The following PER2 variants were observed in gnomAD, a reference collection of about 807,000 sequenced individuals.
The protein encoded by PER2 is period circadian regulator 2, also known as period circadian protein homolog 2.
In PER2, 66 loss-of-function variants were observed where a neutral mutation model predicts 121.0. That is an observed-to-expected ratio of 0.55 (90% CI 0.45 to 0.67). The LOEUF is 0.67. Ranked by LOEUF, PER2 falls within the 30% of genes least tolerant of loss-of-function variation. PER2 has a pLI of 0.00. For missense variants in PER2, 1,521 were observed against 1,635.0 expected (o/e 0.93, Z 1.20); for synonymous variants, 684 against 659.9 (o/e 1.04, Z -0.56).
At chr2:238,248,306 G>A (rs1449779448) in intron 22 of PER2, among the ~76,000 whole-genome samples, 1 of 152,222 alleles carries the variant, frequency 6.6e-6, no homozygotes, top group African/African-American at 2.4e-5. Flanking sequence ...CTTGACAAGA[G>A]CAGCTTCCAC....
At chr2:238,292,135 G>A (rs1696959948), upstream of PER2, among the ~76,000 whole-genome samples, 1 of 152,238 alleles carries the variant, frequency 6.6e-6, no homozygotes, top group Admixed American at 6.5e-5. Flanking sequence ...TCCAGGCTGG[G>A]CAACAGAGCA....
At chr2:238,257,972 C>T (rs908592511) in intron 16 of PER2, among the ~76,000 whole-genome samples, 20 of 152,212 alleles carry the variant, frequency 1.3e-4, no homozygotes, top group African/African-American at 4.6e-4. Context: ...GCAGACGGCC[C>T]CTCAGTGTGG....
At chr2:238,261,972 G>T in intron 11 of PER2, 135 bp from the exon 12 acceptor site, 1 of 738,812 alleles carries the variant, frequency 1.4e-6, no homozygotes. Context: ...GCTGCTGCCT[G>T]TCCACTCCCT....
chr2:238,285,247 TGGTAGCTGGG>T (rs1195465127), intron 1 of PER2, among the ~76,000 whole-genome samples: 2 of 121,132 alleles, frequency 1.7e-5, no homozygotes, highest in Non-Finnish European at 3.9e-5. Flanking sequence ...GCCACATTTT[TGGTAGCTGGG>T]TTGCCTCAAC....
At chr2:238,287,200 G>A (rs373790905) in intron 1 of PER2, among the ~76,000 whole-genome samples, 95 of 152,168 alleles carry the variant, frequency 6.2e-4, no homozygotes, top group Non-Finnish European at 5.4e-4. Context: ...ATACCAAGGC[G>A]ACAGTGACAG....
At chr2:238,292,300 T>C (rs746080632), upstream of PER2, among the ~76,000 whole-genome samples, 7 of 152,256 alleles carry the variant, frequency 4.6e-5, no homozygotes, top group Non-Finnish European at 1.0e-4. Context: ...CACACACGTG[T>C]TCTCATATGT....
At chr2:238,264,343 G>T (rs544045402) in intron 9 of PER2, among the ~76,000 whole-genome samples, 5 of 152,348 alleles carry the variant, frequency 3.3e-5, no homozygotes, top group East Asian at 1.9e-4. Context: ...AACTGGCTCT[G>T]CCCCAGGCAG....
At chr2:238,289,319 C>T (rs775872438), upstream of PER2, 1 of 152,216 alleles carries the variant, frequency 6.6e-6, no homozygotes, top group African/African-American at 2.4e-5. Context: ...TCATTCATCG[C>T]GGGGCCCCGG....
intron 4 of PER2, among the ~76,000 whole-genome samples, chr2:238,273,707 C>G (rs1290539062): frequency 6.6e-6 from 1 of 152,076 alleles, no homozygotes; most frequent in Non-Finnish European, 1.5e-5. Flanking sequence ...TGCTCTGTCA[C>G]CAGGCTGGAG....
intron 2 of PER2, 101 bp downstream of exon 2, chr2:238,277,606 A>G (rs1696493217): frequency 7.4e-7 from 1 of 1,346,088 alleles, no homozygotes; most frequent in African/African-American, 1.5e-5. Context: ...AAAACTTGGT[A>G]ATCATGATTT....
chr2:238,257,197 C>T lies in PER2; in HGVS notation c.1901-111G>A, dbSNP rs1053759063. 3.5e-5 allele frequency: 28 copies of T among 789,142 alleles called. No homozygotes were observed. The African/African-American group carries it at 4.6e-4, about 13-fold the overall frequency. The allele number at this position is 789,142 out of a possible 1,614,324, so 48.9% of individuals were successfully genotyped here. On this transcript the variant is annotated intron_variant, in intron 16 of 22. Coordinates refer to ENST00000254657, the MANE Select transcript of PER2 (RefSeq NM_022817.3). Reference sequence around the variant, plus strand: ...AGCTTCCACACCAGGGTGCACACAACCCATCCCATCCCATCCCACAGATGC... The same window carrying T: ...AGCTTCCACACCAGGGTGCACACAATCCATCCCATCCCATCCCACAGATGC...
rs1422441167 is a variant in PER2 at position 238,268,358 on chromosome 2, C to G, written c.825-160G>C. Among the ~76,000 whole-genome samples the G allele has an allele frequency of 6.6e-6, 1 of 152,224 alleles. No homozygotes were observed. The highest frequency in any genetic ancestry group is 1.5e-5 in the Non-Finnish European group (1 of 68,032). On this transcript the variant is annotated intron_variant, in intron 7 of 22. Transcript: ENST00000254657. This position sits in a 1 kb window ranked among gnomAD's most constrained non-coding sequence, Gnocchi z 4.0. Reference sequence around the variant, plus strand: ...GCCCCCTGCCCTCTTCGGTCCCTCCCTCAGTCCCATCATACTGAAGGGCAA... The same window carrying G: ...GCCCCCTGCCCTCTTCGGTCCCTCCGTCAGTCCCATCATACTGAAGGGCAA...
intron 16 of PER2, among the ~76,000 whole-genome samples, chr2:238,258,020 T>C (rs890110566): frequency 6.6e-6 from 1 of 152,264 alleles, no homozygotes; most frequent in East Asian, 1.9e-4. Flanking sequence ...CTGCAGTGTG[T>C]CTGCATGAGG....
At chr2:238,248,396 C>G (rs1386868353) in intron 22 of PER2, among the ~76,000 whole-genome samples, 3 of 152,172 alleles carry the variant, frequency 2.0e-5, no homozygotes, top group Non-Finnish European at 4.4e-5. Flanking sequence ...GGACATGTGC[C>G]TGAGAGCACG....
chr2:238,277,152 T>C lies in PER2; in HGVS notation c.272A>G (p.Asn91Ser), dbSNP rs1466928324. The C allele has an allele frequency of 3.7e-6, 6 of 1,613,312 alleles. No homozygotes were observed. The highest frequency in any genetic ancestry group is 1.7e-4 in the Middle Eastern group (1 of 6,060). ...TTACCTGCAGCCACTTGTAGATGGG[T>C]TGTGTTCAGATTTTGCCATCATCAG... ...FSLMMAKSEH[N>S]PSTSGCSSDQ... The change falls in exon 3 of 23, where the codon AAC (asparagine) becomes AGC (serine). Residue 91 changes from asparagine (N) to serine (S), a missense_variant. Physicochemically the swap from Asn to Ser is conservative, Grantham distance 46. Transcript: ENST00000254657.
At chr2:238,277,563 C>G in intron 2 of PER2, 144 bp downstream of exon 2, 1 of 985,594 alleles carries the variant, frequency 1.0e-6, no homozygotes, top group Non-Finnish European at 1.5e-6. Context: ...AGGACAGACA[C>G]TGGCACATTT....
chr2:238,293,975 C>T (rs921532622), upstream of PER2, among the ~76,000 whole-genome samples: 2 of 152,108 alleles, frequency 1.3e-5, no homozygotes, highest in Non-Finnish European at 2.9e-5. Context: ...CAGCCAGTAC[C>T]CCTCACTGTC....
upstream of PER2, among the ~76,000 whole-genome samples, chr2:238,293,254 G>A (rs915114538): frequency 6.6e-6 from 1 of 152,082 alleles, no homozygotes; most frequent in East Asian, 1.9e-4. Context: ...AAATATAAAT[G>A]AATAAAATAA....
upstream of PER2, among the ~76,000 whole-genome samples, chr2:238,292,788 A>G (rs1696970398): frequency 1.4e-5 from 2 of 144,612 alleles, no homozygotes; most frequent in African/African-American, 5.2e-5. Context: ...CCCAGACTGG[A>G]GTGCAGTGGC....
Sources: gnomAD v4.1 joint callset for allele counts (sites outside exome capture counted in the v4.1 genomes callset) on GRCh38, gnomAD v4.1.1 for gene constraint, Gnocchi (gnomAD v3.1) non-coding constraint, MANE v1.5 for transcripts, NCBI Gene and HGNC (gene_info 2026-07-23, HGNC 2026-07-21) for gene names.